TUNAR: variants seen among roughly 807,000 people sequenced by gnomAD.
TUNAR encodes the protein transmembrane neural differentiation associated intracellular calcium regulator.
intron 2 of TUNAR, among the ~76,000 whole-genome samples, chr14:95,884,604 A>G (rs1325598488): frequency 6.6e-6 from 1 of 152,188 alleles, no homozygotes; most frequent in Non-Finnish European, 1.5e-5. Flanking sequence ...GTGACTCATC[A>G]TGGGACTGCA....
intron 2 of TUNAR, among the ~76,000 whole-genome samples, chr14:95,883,303 G>A (rs190224855): frequency 2.6e-5 from 4 of 152,342 alleles, no homozygotes; most frequent in Admixed American, 2.0e-4. Context: ...TCCCTGTGGC[G>A]GTTGAGAGTG....
intron 2 of TUNAR, among the ~76,000 whole-genome samples, chr14:95,882,745 C>T (rs987869482): frequency 6.6e-6 from 1 of 152,106 alleles, no homozygotes; most frequent in Non-Finnish European, 1.5e-5. Flanking sequence ...CAGAGAATGC[C>T]CAGGGCATTT....
intron 2 of TUNAR, among the ~76,000 whole-genome samples, chr14:95,889,910 C>T (rs17093533): frequency 0.016 from 2,309 of 146,960 alleles, 48 homozygotes; most frequent in African/African-American, 0.055. Flanking sequence ...GAGCATTTCA[C>T]GAGGCCTACC....
At chr14:95,903,916 T>C (rs1889392932) in intron 2 of TUNAR, among the ~76,000 whole-genome samples, 2 of 152,172 alleles carry the variant, frequency 1.3e-5, no homozygotes, top group South Asian at 4.1e-4. Context: ...GGGAGTTGGA[T>C]ACTGGCATGG....
intron 2 of TUNAR, among the ~76,000 whole-genome samples, chr14:95,899,027 C>T (rs919812559): frequency 6.6e-6 from 1 of 152,200 alleles, no homozygotes; most frequent in Non-Finnish European, 1.5e-5. Flanking sequence ...CTGATTTCTA[C>T]TCAGCTTCCC....
chr14:95,902,192 AT>A (rs550957599), intron 2 of TUNAR, among the ~76,000 whole-genome samples: 5 of 151,708 alleles, frequency 3.3e-5, no homozygotes, highest in Non-Finnish European at 5.9e-5. Context: ...TAGCAAAGTC[AT>A]TTTTTTTCAA....
chr14:95,894,493 A>G (rs557628934), intron 2 of TUNAR, among the ~76,000 whole-genome samples: 2 of 152,266 alleles, frequency 1.3e-5, no homozygotes, highest in East Asian at 3.9e-4. Flanking sequence ...ACACGTGAGG[A>G]TCAGGATTTG....
At chr14:95,903,894 A>G (rs1285131557) in intron 2 of TUNAR, among the ~76,000 whole-genome samples, 2 of 152,178 alleles carry the variant, frequency 1.3e-5, no homozygotes, top group Non-Finnish European at 2.9e-5. Flanking sequence ...TCCTCACAGC[A>G]GGTGGCCTCA....
chr14:95,900,021 C>G (rs1478484425), intron 2 of TUNAR, among the ~76,000 whole-genome samples: 1 of 152,194 alleles, frequency 6.6e-6, no homozygotes, highest in Non-Finnish European at 1.5e-5. Flanking sequence ...AGGAATTTCT[C>G]GGTCCTCCAG....
intron 2 of TUNAR, among the ~76,000 whole-genome samples, chr14:95,921,334 C>T (rs187726295): frequency 6.6e-6 from 1 of 152,302 alleles, no homozygotes; most frequent in Admixed American, 6.5e-5. Context: ...TCTAAAGGCA[C>T]AGCCCTCCAG....
intron 2 of TUNAR, among the ~76,000 whole-genome samples, chr14:95,880,326 T>C (rs1888960451): frequency 6.6e-6 from 1 of 152,154 alleles, no homozygotes; most frequent in Admixed American, 6.5e-5. Flanking sequence ...GAAAATATGC[T>C]GTTTATTACC....
At chr14:95,898,126 G>A (rs995422560) in intron 2 of TUNAR, among the ~76,000 whole-genome samples, 1 of 152,190 alleles carries the variant, frequency 6.6e-6, no homozygotes, top group Non-Finnish European at 1.5e-5. Flanking sequence ...TACATGGAAA[G>A]TAAAGTGTCT....
intron 2 of TUNAR, among the ~76,000 whole-genome samples, chr14:95,904,497 C>G (rs1566789465): frequency 6.6e-6 from 1 of 152,196 alleles, no homozygotes; most frequent in East Asian, 1.9e-4. Context: ...GCAGACCACT[C>G]TCTCTGGGTG....
intron 2 of TUNAR, among the ~76,000 whole-genome samples, chr14:95,906,525 T>C (rs1889428604): frequency 6.6e-6 from 1 of 152,254 alleles, no homozygotes; most frequent in South Asian, 2.1e-4. Context: ...CATGTCCCCA[T>C]GAGAAGCACA....
At chr14:95,889,165 G>A (rs1428377463) in intron 2 of TUNAR, among the ~76,000 whole-genome samples, 1 of 151,926 alleles carries the variant, frequency 6.6e-6, no homozygotes, top group Non-Finnish European at 1.5e-5. Context: ...GCTGTCCCTG[G>A]CCTCCCTTCC....
At chr14:95,922,533 C>T (rs1042563402) in intron 2 of TUNAR, among the ~76,000 whole-genome samples, 4 of 152,166 alleles carry the variant, frequency 2.6e-5, no homozygotes, top group African/African-American at 4.8e-5. Context: ...GGGTGATGCC[C>T]GGGTAGACTT....
chr14:95,884,625 G>A (rs1041614654), intron 2 of TUNAR, among the ~76,000 whole-genome samples: 1 of 152,190 alleles, frequency 6.6e-6, no homozygotes, highest in Non-Finnish European at 1.5e-5. Context: ...TTGTCAAAGT[G>A]GCTCTAGAAC....
intron 2 of TUNAR, among the ~76,000 whole-genome samples, chr14:95,893,719 C>T (rs1889215589): frequency 6.6e-6 from 1 of 152,184 alleles, no homozygotes; most frequent in South Asian, 2.1e-4. Flanking sequence ...AATAACCTTC[C>T]CAGGAGCATT....
At chr14:95,896,825 G>A (rs989395793) in intron 2 of TUNAR, among the ~76,000 whole-genome samples, 3 of 152,232 alleles carry the variant, frequency 2.0e-5, no homozygotes, top group Non-Finnish European at 4.4e-5. Context: ...GCAAAGGGCA[G>A]GGTCTCCTTG....
Sources: gnomAD v4.1 joint callset for allele counts (sites outside exome capture counted in the v4.1 genomes callset) on GRCh38, gnomAD v4.1.1 for gene constraint, MANE v1.5 for transcripts, NCBI Gene and HGNC (gene_info 2026-07-23, HGNC 2026-07-21) for gene names.